The following CSMD1 variants were observed in gnomAD, a reference collection of about 807,000 sequenced individuals.
CSMD1 encodes the protein CUB and Sushi multiple domains 1.
A neutral mutation model predicts 417.5 loss-of-function variants in CSMD1; 213 were observed. That is an observed-to-expected ratio of 0.51 (90% CI 0.46 to 0.57). CSMD1 has a LOEUF of 0.57. Among genes scored for constraint, CSMD1 ranks in the 20% least tolerant of loss-of-function variants. The pLI is 0.00. For synonymous variants in CSMD1, 2,862 were observed against 1,736.8 expected, an observed-to-expected ratio of 1.65 and a Z score of -16.11; for missense variants, 6,923 against 4,529.7, an observed-to-expected ratio of 1.53 and a Z score of -15.17.
At chr8:4,821,976 AAAATAAAG>A (rs1199408990) in intron 1 of CSMD1, among the ~76,000 whole-genome samples, 2 of 152,046 alleles carry the variant, frequency 1.3e-5, no homozygotes, top group Non-Finnish European at 2.9e-5. Context: ...AATACTACGT[AAAATAAAG>A]TTCCTCTGTA....
chr8:4,200,742 G>C (rs1363684871), intron 3 of CSMD1, among the ~76,000 whole-genome samples: 1 of 152,166 alleles, frequency 6.6e-6, no homozygotes, highest in Non-Finnish European at 1.5e-5. Flanking sequence ...TGTATCTGTA[G>C]TCCCAACTAC....
At position 4,799,919 on chromosome 8, in the gene CSMD1, G is replaced by C. The variant is rs147315947; in HGVS notation, c.86-162361C>G. On this transcript the variant is annotated intron_variant, in intron 1 of 69. Coordinates refer to ENST00000635120, the MANE Select transcript of CSMD1 (RefSeq NM_033225.6). ...ACTGGTAAAATGAACTATGCATGCA[G>C]CTTTCGAAAGCGATGCATGTACCCT... Among the ~76,000 whole-genome samples the C allele has an allele frequency of 1.5e-3, 233 of 152,224 alleles. 1 individual carries two copies. Among genetic ancestry groups the C allele is most frequent in the African/African-American group, 5.5e-3 (227 of 41,526 alleles).
At chr8:3,622,948 A>C (rs1458986638) in intron 7 of CSMD1, among the ~76,000 whole-genome samples, 1 of 152,210 alleles carries the variant, frequency 6.6e-6, no homozygotes, top group Non-Finnish European at 1.5e-5. Flanking sequence ...CTTTAACTCT[A>C]ATTTTGTTGA....
At chr8:4,177,677 C>T (rs13260808) in intron 3 of CSMD1, among the ~76,000 whole-genome samples, 28,354 of 129,668 alleles carry the variant, frequency 0.22, 3,332 homozygotes, top group South Asian at 0.31. Context: ...ATTGATAGAC[C>T]GCTAGCAAGA....
chr8:4,569,552 T>C (rs751899956), intron 2 of CSMD1, among the ~76,000 whole-genome samples: 1 of 152,206 alleles, frequency 6.6e-6, no homozygotes, highest in South Asian at 2.1e-4. Flanking sequence ...TCTTGTCTTG[T>C]AATATAGTTT....
At chr8:3,074,754 G>T (rs1042228339) in intron 49 of CSMD1, among the ~76,000 whole-genome samples, 1 of 152,058 alleles carries the variant, frequency 6.6e-6, no homozygotes, top group Non-Finnish European at 1.5e-5. Context: ...AGAATTTTTG[G>T]CATTTTATTA....
chr8:4,851,783 G>C (rs1585211895), intron 1 of CSMD1, among the ~76,000 whole-genome samples: 1 of 152,088 alleles, frequency 6.6e-6, no homozygotes. Context: ...GTACTTTTAA[G>C]TCACCCTCCC....
At chr8:4,779,786 G>A (rs1358355344) in intron 1 of CSMD1, among the ~76,000 whole-genome samples, 2 of 152,264 alleles carry the variant, frequency 1.3e-5, no homozygotes, top group Non-Finnish European at 2.9e-5. Context: ...AGCCCTTTTG[G>A]CAATGACGAC....
At chr8:4,808,456 C>T (rs1334712383) in intron 1 of CSMD1, among the ~76,000 whole-genome samples, 1 of 152,176 alleles carries the variant, frequency 6.6e-6, no homozygotes, top group Non-Finnish European at 1.5e-5. Flanking sequence ...TTGTAACTTA[C>T]TTGAAGCTTG....
intron 3 of CSMD1, among the ~76,000 whole-genome samples, chr8:4,135,670 T>C (rs902229926): frequency 1.3e-5 from 2 of 152,130 alleles, no homozygotes; most frequent in African/African-American, 2.4e-5. Flanking sequence ...ACCAAAATAT[T>C]TGGATATTTT....
intron 5 of CSMD1, among the ~76,000 whole-genome samples, chr8:3,763,322 C>T (rs1346656135): frequency 6.6e-6 from 1 of 152,028 alleles, no homozygotes; most frequent in Admixed American, 6.5e-5. Flanking sequence ...GAGGTGGGGC[C>T]CTGTGGGAGG....
At chr8:3,106,927 G>C (rs1490779833) in intron 45 of CSMD1, 2 of 263,998 alleles carry the variant, frequency 7.6e-6, no homozygotes, top group African/African-American at 4.4e-5. Context: ...GATTGCTGAC[G>C]AAAAGAAAAA....
chr8:4,083,380 T>C (rs1350102983), intron 3 of CSMD1, among the ~76,000 whole-genome samples: 1 of 152,164 alleles, frequency 6.6e-6, no homozygotes, highest in African/African-American at 2.4e-5. Context: ...GGTGAGCATT[T>C]TTTCATGTGT....
At chr8:4,139,992 T>G (rs117514244) in intron 3 of CSMD1, among the ~76,000 whole-genome samples, 3 of 150,448 alleles carry the variant, frequency 2.0e-5, no homozygotes, top group African/African-American at 7.5e-5. Flanking sequence ...GGGTTGCAGG[T>G]AGGAGGTAAA....
At chr8:4,734,138 T>C (rs1810073352) in intron 1 of CSMD1, among the ~76,000 whole-genome samples, 1 of 152,196 alleles carries the variant, frequency 6.6e-6, no homozygotes, top group Admixed American at 6.5e-5. Flanking sequence ...CATTTACATT[T>C]ACAAGCTCTA....
chr8:4,984,641 C>T (rs1232946574), intron 1 of CSMD1, among the ~76,000 whole-genome samples: 1 of 152,028 alleles, frequency 6.6e-6, no homozygotes, highest in Non-Finnish European at 1.5e-5. Flanking sequence ...TAGTCATAGC[C>T]TTTTGTAAAG....
intron 6 of CSMD1, among the ~76,000 whole-genome samples, chr8:3,736,766 T>G (rs1455372730): frequency 6.6e-6 from 1 of 152,192 alleles, no homozygotes; most frequent in Non-Finnish European, 1.5e-5. Context: ...GGTGTGTCGT[T>G]TTGCCTCAGA....
chr8:4,030,325 A>G (rs1168206741), intron 4 of CSMD1, among the ~76,000 whole-genome samples: 6 of 152,226 alleles, frequency 3.9e-5, no homozygotes, highest in Admixed American at 3.9e-4. Flanking sequence ...CTGGACATCT[A>G]GGAATTTCTA....
In CSMD1 at chr8:3,963,890, G is replaced by A. The variant is rs539110701; in HGVS notation, c.818+34013C>T. Among the ~76,000 whole-genome samples the A allele has an allele frequency of 4.0e-4, 61 of 152,284 alleles. 2 individuals are homozygous for A. In the South Asian group the frequency reaches 0.012, roughly 31 times the overall value. ...AGGTATAGATGTTAACTGACACTCG[G>A]AAGAATTTCTAACTCATTGTATCCC... On this transcript the variant is annotated intron_variant, in intron 5 of 69. Coordinates refer to ENST00000635120, the MANE Select transcript of CSMD1 (RefSeq NM_033225.6).
Sources: allele counts gnomAD v4.1 joint callset (sites outside exome capture counted in the v4.1 genomes callset), GRCh38; gene constraint gnomAD v4.1.1; transcripts MANE v1.5; gene names NCBI Gene and HGNC (gene_info 2026-07-23, HGNC 2026-07-21).